The following SEMA6D variants were observed in gnomAD, a reference collection of about 807,000 sequenced individuals.
SEMA6D encodes the protein semaphorin-6D.
SEMA6D carries 35 observed loss-of-function variants against 106.6 expected under a neutral mutation model. The ratio of observed to expected loss-of-function variants is 0.33; its 90% CI spans 0.25 to 0.44. The LOEUF (loss-of-function observed/expected upper bound fraction) is 0.44, where lower values mean the gene tolerates loss of function less well. SEMA6D is among the 20% of genes least tolerant of loss of function. The pLI is 1.00. For missense variants in SEMA6D, 1,185 were observed against 1,345.9 expected (o/e 0.88, Z 1.87); for synonymous variants, 499 against 487.7 (o/e 1.02, Z -0.31).
chr15:47,650,780 G>A (rs118126389), intron 4 of SEMA6D, among the ~76,000 whole-genome samples: 1,607 of 152,264 alleles, frequency 0.011, 18 homozygotes, highest in South Asian at 0.045. Context: ...GGGTGATATT[G>A]CTTTCTCTGC....
intron 4 of SEMA6D, among the ~76,000 whole-genome samples, chr15:47,652,179 G>A (rs1291661683): frequency 1.3e-5 from 2 of 152,158 alleles, no homozygotes; most frequent in East Asian, 3.8e-4. Context: ...TACTTTGCAT[G>A]TAGAAGCTTC....
intron 1 of SEMA6D, among the ~76,000 whole-genome samples, chr15:47,287,530 A>G (rs2035421088): frequency 6.6e-6 from 1 of 152,138 alleles, no homozygotes; most frequent in Non-Finnish European, 1.5e-5. Flanking sequence ...TGGGTTCCAT[A>G]GCAGAGTAGA....
intron 4 of SEMA6D, among the ~76,000 whole-genome samples, chr15:47,660,904 A>C (rs1319113337): frequency 6.6e-6 from 1 of 152,190 alleles, no homozygotes; most frequent in African/African-American, 2.4e-5. Context: ...TTCATTTCTT[A>C]ATAAAGTTAG....
At chr15:47,632,230 C>G (rs1353254445) in intron 4 of SEMA6D, among the ~76,000 whole-genome samples, 1 of 151,802 alleles carries the variant, frequency 6.6e-6, no homozygotes, top group Non-Finnish European at 1.5e-5. Context: ...AAGTTATGGT[C>G]TATGTTGAAG....
rs2036440737 is a variant in SEMA6D at position 47,311,329 on chromosome 15, TTA to T, written c.-238-101062_-238-101061del. Reference sequence around the variant, plus strand: ...AGGTTTTCTTTTAAGGATTCAGGAGTTATTAATGTAATTGCTATCTCAGAGAC... The same window carrying T: ...AGGTTTTCTTTTAAGGATTCAGGAGTTTAATGTAATTGCTATCTCAGAGAC... On this transcript the variant is annotated intron_variant, in intron 1 of 19. Coordinates refer to the SEMA6D transcript ENST00000558014. Among the ~76,000 whole-genome samples the T allele has an allele frequency of 2.6e-5, 4 of 152,216 alleles. No individual in the cohort carries two copies. The South Asian group carries it at 8.3e-4, about 32-fold the overall frequency.
intron 3 of SEMA6D, among the ~76,000 whole-genome samples, chr15:47,579,195 G>A (rs1235763770): frequency 1.3e-5 from 2 of 149,444 alleles, no homozygotes; most frequent in Non-Finnish European, 3.0e-5. Context: ...AGGCTGGAGT[G>A]CAGTGGTGCC....
At chr15:47,513,994 T>G (rs900300710) in intron 3 of SEMA6D, among the ~76,000 whole-genome samples, 2 of 152,176 alleles carry the variant, frequency 1.3e-5, no homozygotes, top group Non-Finnish European at 2.9e-5. Context: ...AGCTCCGCCA[T>G]AGAAACTGAG....
At chr15:47,409,905 G>A (rs537861571) in intron 1 of SEMA6D, among the ~76,000 whole-genome samples, 3 of 152,044 alleles carry the variant, frequency 2.0e-5, no homozygotes, top group Non-Finnish European at 2.9e-5. Flanking sequence ...GTTGTGGGGG[G>A]GGTGGGGAGG....
At chr15:47,728,118 T>C (rs1596812380) in intron 1 of SEMA6D, among the ~76,000 whole-genome samples, 1 of 152,208 alleles carries the variant, frequency 6.6e-6, no homozygotes, top group Non-Finnish European at 1.5e-5. Flanking sequence ...GCTGGGAGCA[T>C]ACTGCATTTG....
intron 1 of SEMA6D, among the ~76,000 whole-genome samples, chr15:47,754,084 A>G (rs1309396235): frequency 6.6e-6 from 1 of 152,162 alleles, no homozygotes; most frequent in Non-Finnish European, 1.5e-5. Flanking sequence ...TTTGGCTACT[A>G]TGCTATAACC....
intron 1 of SEMA6D, among the ~76,000 whole-genome samples, chr15:47,369,225 G>C (rs1299716822): frequency 6.6e-6 from 1 of 152,170 alleles, no homozygotes; most frequent in Non-Finnish European, 1.5e-5. Context: ...TAAATTGAAA[G>C]ATGTGCCTGT....
At chr15:47,207,803 G>C (rs1433220039) in intron 1 of SEMA6D, among the ~76,000 whole-genome samples, 2 of 152,068 alleles carry the variant, frequency 1.3e-5, no homozygotes, top group Non-Finnish European at 1.5e-5. Context: ...AATAACCACT[G>C]TGCTTTCTGA....
At chr15:47,514,866 T>C (rs2044339053) in intron 3 of SEMA6D, among the ~76,000 whole-genome samples, 1 of 152,176 alleles carries the variant, frequency 6.6e-6, no homozygotes. Context: ...CCAGAGGCAC[T>C]AGATTAGAGA....
intron 2 of SEMA6D, among the ~76,000 whole-genome samples, chr15:47,431,413 T>C (rs2041518845): frequency 6.6e-6 from 1 of 152,130 alleles, no homozygotes; most frequent in Non-Finnish European, 1.5e-5. Context: ...GGAGACTAAA[T>C]AGCTTCAAAC....
intron 3 of SEMA6D, among the ~76,000 whole-genome samples, chr15:47,506,829 A>T (rs2044057708): frequency 6.6e-6 from 1 of 152,156 alleles, no homozygotes; most frequent in Admixed American, 6.6e-5. Context: ...GAGTTACATT[A>T]TTCCTGTTGC....
chr15:47,561,676 TA>T lies in SEMA6D; in HGVS notation c.-86-39188del, dbSNP rs2046084823. On this transcript the variant is annotated intron_variant, in intron 3 of 19. Coordinates refer to the SEMA6D transcript ENST00000558014. ...TTTTAAGGGTATTTTAAATATAGGA[TA>T]TTTTAAATATAGGTAAATATAAACA... Among the ~76,000 whole-genome samples the T allele has an allele frequency of 1.3e-5, 2 of 151,510 alleles. 1 individual carries two copies. Among genetic ancestry groups the T allele is most frequent in the Non-Finnish European group, 2.9e-5 (2 of 67,798 alleles).
intron 4 of SEMA6D, among the ~76,000 whole-genome samples, chr15:47,621,329 A>G (rs188373277): frequency 1.5e-4 from 23 of 152,342 alleles, no homozygotes; most frequent in Admixed American, 9.8e-4. Context: ...GATCAGAAAT[A>G]GAAACGTAGG....
At chr15:47,327,128 G>A (rs1468671667) in intron 1 of SEMA6D, among the ~76,000 whole-genome samples, 2 of 152,168 alleles carry the variant, frequency 1.3e-5, no homozygotes, top group Non-Finnish European at 2.9e-5. Flanking sequence ...GCATCCCCTG[G>A]AACTGGGCCA....
intron 1 of SEMA6D, among the ~76,000 whole-genome samples, chr15:47,321,222 G>A (rs2036910379): frequency 6.6e-6 from 1 of 152,208 alleles, no homozygotes; most frequent in African/African-American, 2.4e-5. Flanking sequence ...ACAGTCAAGG[G>A]ATTCCCGTCT....
Sources: gnomAD v4.1 joint callset for allele counts (sites outside exome capture counted in the v4.1 genomes callset) on GRCh38, gnomAD v4.1.1 for gene constraint, MANE v1.5 for transcripts, NCBI Gene and HGNC (gene_info 2026-07-23, HGNC 2026-07-21) for gene names.